The following ACTG1 variants were observed in gnomAD, a reference collection of about 807,000 sequenced individuals.
ACTG1 encodes the protein actin gamma 1, also known as actin, cytoplasmic 2.
ACTG1 carries 14 observed loss-of-function variants against 34.3 expected under a neutral mutation model. That is an observed-to-expected ratio of 0.41 (90% confidence interval 0.27 to 0.64). ACTG1 has a LOEUF of 0.64. ACTG1 is among the 30% of genes least tolerant of loss of function. ACTG1 has a pLI of 0.33. For synonymous variants in ACTG1, 422 were observed against 213.9 expected, an observed-to-expected ratio of 1.97 and a Z score of -8.49; for missense variants, 233 against 529.5, an observed-to-expected ratio of 0.44 and a Z score of 5.50.
chr17:81,511,942 G>T lies in ACTG1; in HGVS notation c.324C>A (p.Ala108=). ...PEEHPVLLTE[A]PLNPKANREK... Reference sequence around the variant, plus strand: ...CTCTGTTGGCCTTGGGGTTCAGGGGGGCCTCGGTCAGCAGCACTGGGTGCT... The same window carrying T: ...CTCTGTTGGCCTTGGGGTTCAGGGGTGCCTCGGTCAGCAGCACTGGGTGCT... Residue 108 remains alanine (A), a synonymous_variant, in exon 3 of 6, where the codon GCC becomes GCA. Coordinates refer to ENST00000573283, the MANE Select transcript of ACTG1 (RefSeq NM_001614.5). 6.2e-7 allele frequency: 1 copy of T among 1,614,054 alleles called. No homozygotes were observed. Among genetic ancestry groups the T allele is most frequent in the South Asian group, 1.1e-5 (1 of 91,086 alleles).
At chr17:81,512,507 A>G (rs901460402) in intron 1 of ACTG1, 147 bp from the exon 2 acceptor site, 55 of 1,336,030 alleles carry the variant, frequency 4.1e-5, no homozygotes, top group East Asian at 7.2e-5. Flanking sequence ...CTGGAACCGA[A>G]GGCCGGGCCT....
intron 1 of ACTG1, 110 bp downstream of exon 1, chr17:81,512,624 T>G: frequency 1.9e-6 from 1 of 530,060 alleles, no homozygotes; most frequent in Non-Finnish European, 3.3e-6. Flanking sequence ...CCCCGCCTTT[T>G]GTTCCCGGGG....
At chr17:81,512,450 G>C in intron 1 of ACTG1, 90 bp from the exon 2 acceptor site, 3 of 1,604,646 alleles carry the variant, frequency 1.9e-6, no homozygotes, top group Non-Finnish European at 2.6e-6. Flanking sequence ...GGGAAGCCTC[G>C]GCCCTGCCCC....
chr17:81,511,204 G>C lies in ACTG1; in HGVS notation c.786C>G (p.Phe262Leu). ...NERFRCPEAL[F>L]QPSFLGMESC... Reference sequence around the variant, plus strand: ...AACACCTACCCAGGAAGGAAGGCTGGAACAGCGCCTCCGGACACCGGAACC... The same window carrying C: ...AACACCTACCCAGGAAGGAAGGCTGCAACAGCGCCTCCGGACACCGGAACC... The change falls in exon 4 of 6, where the codon TTC becomes TTG. Residue 262 changes from phenylalanine (F) to leucine (L), a missense_variant. By Grantham distance (22) the Phe-to-Leu change is conservative. Transcript: ENST00000573283. 4.3e-6 allele frequency: 7 copies of C among 1,613,720 alleles called. 1 individual carries two copies. In the Middle Eastern group the frequency reaches 6.6e-4, roughly 152 times the overall value.
rs2143785065 is a variant in ACTG1, at chr17:81,512,215, C to G, written c.123+17G>C. 1.2e-6 allele frequency: 2 copies of G among 1,613,422 alleles called. No homozygotes were observed. Among genetic ancestry groups the G allele is most frequent in the Non-Finnish European group, 8.5e-7 (1 of 1,179,932 alleles). ...CGCAACGCAGAACCCAGGAGCCCCG[C>G]GGCGCCATCCACTCACCTGGTGTCT... is the stretch of plus-strand genomic sequence containing the variant. On this transcript the variant is annotated intron_variant, in intron 2 of 5. Coordinates refer to ENST00000573283, the MANE Select transcript of ACTG1 (RefSeq NM_001614.5).
chr17:81,512,638 G>C (rs1231918935), intron 1 of ACTG1, 96 bp downstream of exon 1: 3 of 481,730 alleles, frequency 6.2e-6, no homozygotes, highest in African/African-American at 4.0e-5. Context: ...CCCGGGGAAG[G>C]CGCGACGAGG....
chr17:81,512,774 T>C lies in ACTG1; in HGVS notation c.-47A>G, dbSNP rs782107098. On this transcript the variant is annotated 5_prime_UTR_variant, in exon 1 of 6. Transcript: ENST00000573283. ...ACGGCGGAGCGGCGGAAGAACAGAGTGCGAGAGCTGGCAGCGGCGACTGAG... is the reference window on the plus strand; with the variant it reads ...ACGGCGGAGCGGCGGAAGAACAGAGCGCGAGAGCTGGCAGCGGCGACTGAG... 6.7e-4 allele frequency: 280 copies of C among 415,048 alleles called. No individual in the cohort carries two copies. In the East Asian group the frequency reaches 0.011, roughly 16 times the overall value. The allele number at this position is 415,048 out of a possible 1,614,324, so 25.7% of individuals were successfully genotyped here.
At position 81,511,183 on chromosome 17, in the gene ACTG1, C is replaced by T. The variant is rs571767834; in HGVS notation, c.802+5G>A. 1 of 1,613,710 alleles carries T rather than the reference C, an allele frequency of 6.2e-7. No homozygotes were observed. Among genetic ancestry groups the T allele is most frequent in the Non-Finnish European group, 8.5e-7 (1 of 1,180,032 alleles). On this transcript the variant is annotated splice_donor_5th_base_variant and intron_variant, in intron 4 of 5. Transcript: ENST00000573283. ...GAGTAGAAACCTTTAGCTCACAACA[C>T]CTACCCAGGAAGGAAGGCTGGAACA...
intron 2 of ACTG1, 33 bp downstream of exon 2, chr17:81,512,199 G>T (rs1568062974): frequency 6.2e-7 from 1 of 1,613,314 alleles, no homozygotes; most frequent in African/African-American, 1.3e-5. Context: ...CCGCAACGCA[G>T]AACCCAGGAG....
chr17:81,512,586 C>G (rs1362365792), intron 1 of ACTG1, 148 bp downstream of exon 1: 12 of 669,830 alleles, frequency 1.8e-5, no homozygotes, highest in Admixed American at 2.7e-5. Flanking sequence ...CCGGCGCCCC[C>G]CCAGCCCCGT....
rs145211830 is a variant in ACTG1 at position 81,512,337 on chromosome 17, G to A, written c.18C>T (p.Ala6=). The part of the protein sequence containing the change: MEEEI[A]ALVIDNGSGM... The stretch of plus-strand genomic sequence containing the variant: ...CGGAGCCATTGTCAATGACCAGCGC[G>A]GCGATCTCTTCTTCCATTGCGACCT... The change falls in exon 2 of 6, where the codon GCC becomes GCT. Residue 6 remains alanine, a synonymous_variant. Transcript: ENST00000573283. 3,001 of 1,613,960 alleles carry A rather than the reference G, an allele frequency of 1.9e-3. 7 individuals are homozygous for A. The highest frequency in any genetic ancestry group is 2.3e-3 in the Non-Finnish European group (2,716 of 1,179,944).
Position 81,510,220 on chromosome 17 carries a change from G to T in ACTG1, c.*470C>A, listed in dbSNP as rs192243286. Reference sequence around the variant, plus strand: ...AGACATCAGCTAAGAAAGGAAACTGGGTCCTACGGCTTGGACTTTCCAACC... The same window carrying T: ...AGACATCAGCTAAGAAAGGAAACTGTGTCCTACGGCTTGGACTTTCCAACC... On this transcript the variant is annotated 3_prime_UTR_variant, in exon 6 of 6. Transcript: ENST00000573283. 5.9e-6 allele frequency: 3 copies of T among 508,146 alleles called. No homozygotes were observed. Among genetic ancestry groups the T allele is most frequent in the South Asian group, 4.7e-5 (3 of 64,446 alleles). The allele number at this position is 508,146 out of a possible 1,614,324, so 31.5% of individuals were successfully genotyped here.
In ACTG1 at chr17:81,512,150, G is replaced by A. The variant is rs201279208; in HGVS notation, c.124-8C>T. On this transcript the variant is annotated splice_region_variant and splice_polypyrimidine_tract_variant and intron_variant, in intron 2 of 5. Transcript: ENST00000573283. The stretch of plus-strand genomic sequence containing the variant: ...CATGCCCACCATGACGCCCTGCAGG[G>A]GACGACCCGTCAGCCTCGCCGGCGA... The A allele has an allele frequency of 3.8e-4, 612 of 1,613,506 alleles. 6 individuals carry two copies. The South Asian group carries it at 5.7e-3, about 15-fold the overall frequency.
In ACTG1 at chr17:81,510,553, C is replaced by G; in HGVS notation, c.*137G>C. ...TACAATCCAGTGCTGATATCAGATA[C>G]AAGCTTCAAGGACAATTTCTTTTCG... On this transcript the variant is annotated 3_prime_UTR_variant, in exon 6 of 6. Coordinates refer to ENST00000573283, the MANE Select transcript of ACTG1 (RefSeq NM_001614.5). 8.8e-7 allele frequency: 1 copy of G among 1,141,714 alleles called. No homozygotes were observed. 70.7% of individuals were successfully genotyped at this position (1,141,714 alleles called of 1,614,324 possible). A position where few individuals can be genotyped will look rare whatever the true frequency, so the allele number is the denominator to read the frequency against.
chr17:81,511,694 C>G, intron 3 of ACTG1, 68 bp from the exon 4 acceptor site: 2 of 1,548,912 alleles, frequency 1.3e-6, no homozygotes, highest in South Asian at 1.2e-5. Context: ...TCACACGCCA[C>G]AACATGCTGC....
chr17:81,511,723 G>T, intron 3 of ACTG1, 97 bp from the exon 4 acceptor site: 1 of 1,518,260 alleles, frequency 6.6e-7, no homozygotes, highest in Admixed American at 1.9e-5. Flanking sequence ...GTGATGTGTG[G>T]AGAAAAGAAA....
In ACTG1 at chr17:81,510,591, A is replaced by C; in HGVS notation, c.*99T>G. On this transcript the variant is annotated 3_prime_UTR_variant, in exon 6 of 6. Transcript: ENST00000573283. ...CAATTTCTTTTCGAAGGCTTATTCCAGTTTCGTGAGGCTAGCATGAGGTGT... is the reference window on the plus strand; with the variant it reads ...CAATTTCTTTTCGAAGGCTTATTCCCGTTTCGTGAGGCTAGCATGAGGTGT... The C allele has an allele frequency of 1.4e-6, 2 of 1,469,126 alleles. 1 individual carries two copies. The allele number at this position is 1,469,126 out of a possible 1,614,324, so 91.0% of individuals were successfully genotyped here.
At chr17:81,511,808 A>G (rs781873625) in intron 3 of ACTG1, 95 bp downstream of exon 3, 1 of 1,597,208 alleles carries the variant, frequency 6.3e-7, no homozygotes, top group South Asian at 1.1e-5. Flanking sequence ...CAGAGCCTGG[A>G]ACAGCGAAAG....
chr17:81,510,858 T>G (rs1555666419), intron 5 of ACTG1, 25 bp from the exon 6 acceptor site: 1 of 1,604,614 alleles, frequency 6.2e-7, no homozygotes, highest in Non-Finnish European at 8.5e-7. Context: ...AGGCACGGCT[T>G]CAGCTCACAG....
Sources: gnomAD v4.1 joint callset for allele counts on GRCh38, gnomAD v4.1.1 for gene constraint, MANE v1.5 for transcripts, NCBI Gene and HGNC (gene_info 2026-07-23, HGNC 2026-07-21) for gene names.